Variants in OGDH observed in about 807,000 individuals in gnomAD.
OGDH encodes the protein 2-oxoglutarate dehydrogenase complex component E1.
Under a neutral mutation model 116.6 loss-of-function variants are expected in OGDH, and 38 were observed. The ratio of observed to expected loss-of-function variants is 0.33; its 90% CI spans 0.25 to 0.43. The LOEUF (loss-of-function observed/expected upper bound fraction) is 0.43. OGDH is among the 20% of genes least tolerant of loss of function. The pLI is 1.00. For missense variants in OGDH, 825 were observed against 1,357.2 expected (o/e 0.61, Z 6.16); for synonymous variants, 488 against 533.3 (o/e 0.92, Z 1.17).
At chr7:44,646,080 G>T (rs996319327) in intron 3 of OGDH, among the ~76,000 whole-genome samples, 4 of 152,158 alleles carry the variant, frequency 2.6e-5, no homozygotes, top group Admixed American at 6.5e-5. Flanking sequence ...TGTTGAGCAG[G>T]ACAAGGTTTT....
intron 5 of OGDH, among the ~76,000 whole-genome samples, chr7:44,669,686 C>T (rs754390190): frequency 1.2e-4 from 18 of 152,018 alleles, no homozygotes; most frequent in Non-Finnish European, 2.5e-4. Context: ...GGGCTGCCTC[C>T]CTTTCAGTCC....
chr7:44,647,556 C>G, intron 3 of OGDH, 101 bp from the exon 4 acceptor site: 1 of 1,551,488 alleles, frequency 6.4e-7, no homozygotes, highest in South Asian at 1.2e-5. Flanking sequence ...GCTGTAAATG[C>G]TAATTTTAAT....
chr7:44,641,297 C>T (rs1455457070), intron 2 of OGDH, among the ~76,000 whole-genome samples: 1 of 146,492 alleles, frequency 6.8e-6, no homozygotes, highest in Non-Finnish European at 1.5e-5. Flanking sequence ...GCGATCTCAG[C>T]TCACTGCAAC....
At chr7:44,637,818 C>CAA (rs59064314) in intron 2 of OGDH, among the ~76,000 whole-genome samples, 8 of 117,876 alleles carry the variant, frequency 6.8e-5, no homozygotes, top group African/African-American at 1.2e-4. Flanking sequence ...GACTCTGTCT[C>CAA]AAAAAAAAAA....
At chr7:44,690,218 C>T (rs1562677830) in intron 10 of OGDH, among the ~76,000 whole-genome samples, 2 of 152,200 alleles carry the variant, frequency 1.3e-5, no homozygotes, top group Non-Finnish European at 2.9e-5. Flanking sequence ...AGACCTGTTC[C>T]AACAGGGGAA....
At chr7:44,695,746 C>T (rs779957402) in intron 12 of OGDH, among the ~76,000 whole-genome samples, 20 of 151,622 alleles carry the variant, frequency 1.3e-4, no homozygotes, top group African/African-American at 1.9e-4. Context: ...GTTCAAACTC[C>T]GAGCAGAATC....
intron 2 of OGDH, among the ~76,000 whole-genome samples, chr7:44,638,383 T>C (rs1585262401): frequency 6.6e-6 from 1 of 152,328 alleles, no homozygotes; most frequent in Non-Finnish European, 1.5e-5. Context: ...CCTCCATTTC[T>C]CATGAGTGAA....
chr7:44,636,762 A>G (rs1365764813), intron 2 of OGDH, among the ~76,000 whole-genome samples: 3 of 152,226 alleles, frequency 2.0e-5, no homozygotes, highest in Non-Finnish European at 4.4e-5. Flanking sequence ...ACAGAGCTTC[A>G]TTTATTACAG....
chr7:44,634,429 G>A (rs1785577984), intron 2 of OGDH, among the ~76,000 whole-genome samples: 1 of 152,210 alleles, frequency 6.6e-6, no homozygotes, highest in African/African-American at 2.4e-5. Context: ...CTTTAGTCTA[G>A]TGCAGAATCC....
At chr7:44,646,295 T>G (rs1461902013) in intron 3 of OGDH, among the ~76,000 whole-genome samples, 1 of 152,208 alleles carries the variant, frequency 6.6e-6, no homozygotes, top group East Asian at 1.9e-4. Flanking sequence ...GTGTAACTGC[T>G]TTGGTGGCAA....
intron 1 of OGDH, among the ~76,000 whole-genome samples, chr7:44,614,279 G>A (rs1784682610): frequency 6.9e-6 from 1 of 145,302 alleles, no homozygotes; most frequent in African/African-American, 2.6e-5. Context: ...CTCTCTGGCT[G>A]CCTTCAAGGT....
rs1044689078 is a variant in OGDH at position 44,697,860 on chromosome 7, C to T, written c.2358+78C>T. 13 of 1,495,468 alleles carry T rather than the reference C, an allele frequency of 8.7e-6. No homozygotes were observed. The African/African-American group carries it at 1.4e-4, about 16-fold the overall frequency. 92.6% of individuals were successfully genotyped at this position (1,495,468 alleles called of 1,614,324 possible). ...AGGACCCTGACCCCAAAGACTGGCA[C>T]GAGAGCCAGTGGCTCACACCAGCCT... On this transcript the variant is annotated intron_variant, in intron 17 of 22. Transcript: ENST00000222673. This position sits in a 1 kb window ranked among gnomAD's most constrained non-coding sequence, Gnocchi z 6.0.
At chr7:44,650,919 C>T (rs1295837966) in intron 4 of OGDH, among the ~76,000 whole-genome samples, 2 of 152,232 alleles carry the variant, frequency 1.3e-5, no homozygotes, top group Middle Eastern at 3.2e-3. Flanking sequence ...TCCGCTTAGC[C>T]GCCCTTCCCA....
intron 2 of OGDH, among the ~76,000 whole-genome samples, chr7:44,644,207 A>C (rs1430538194): frequency 1.3e-5 from 2 of 152,182 alleles, no homozygotes; most frequent in Non-Finnish European, 2.9e-5. Context: ...ATCTCAAAAA[A>C]ATTAAAATAA....
intron 4 of OGDH, among the ~76,000 whole-genome samples, chr7:44,653,419 C>T (rs1475708142): frequency 1.3e-5 from 2 of 151,010 alleles, no homozygotes; most frequent in Non-Finnish European, 3.0e-5. Flanking sequence ...GTGTAGCATT[C>T]GAATTAGTTT....
chr7:44,614,364 G>A (rs1215032883), intron 1 of OGDH, among the ~76,000 whole-genome samples: 1 of 150,762 alleles, frequency 6.6e-6, no homozygotes, highest in Non-Finnish European at 1.5e-5. Context: ...ATGTGTCTTG[G>A]TGTGCATTTA....
intron 2 of OGDH, among the ~76,000 whole-genome samples, chr7:44,633,027 G>A (rs1465745324): frequency 4.6e-5 from 7 of 151,636 alleles, no homozygotes; most frequent in South Asian, 2.1e-4. Context: ...GCTGAGGTGG[G>A]CAGATCACGA....
At chr7:44,642,102 A>G (rs1044244864) in intron 2 of OGDH, among the ~76,000 whole-genome samples, 2 of 151,642 alleles carry the variant, frequency 1.3e-5, no homozygotes, top group Non-Finnish European at 2.9e-5. Context: ...TTTAGCAAAC[A>G]TTTTGATAGC....
At position 44,676,135 on chromosome 7, in the gene OGDH, A is replaced by T; in HGVS notation, c.1192A>T (p.Thr398Ser). The T allele has an allele frequency of 6.2e-7, 1 of 1,614,130 alleles. No homozygotes were observed. The highest frequency in any genetic ancestry group is 8.5e-7 in the Non-Finnish European group (1 of 1,180,034). ...TKAEQFYCGD[T>S]EGKKVMSILL... ...AGCCGAACAGTTTTACTGTGGCGAC[A>T]CTGAAGGGAAAAAGGTAAGGCCCAG... Residue 398 changes from threonine (T) to serine (S), a missense_variant, in exon 9 of 23, where the codon ACT becomes TCT. By Grantham distance (58) the Thr-to-Ser change is moderately conservative. This residue lies in a region of OGDH where 146 missense variants were observed against 317.3 expected (regional missense o/e 0.46). Coordinates refer to ENST00000222673, the MANE Select transcript of OGDH (RefSeq NM_002541.4).
Sources: allele counts gnomAD v4.1 joint callset (sites outside exome capture counted in the v4.1 genomes callset), GRCh38; gene constraint gnomAD v4.1.1; regional missense constraint gnomAD v4.1.1; non-coding constraint Gnocchi (gnomAD v3.1); transcripts MANE v1.5; gene names NCBI Gene and HGNC (gene_info 2026-07-23, HGNC 2026-07-21).